The following TECPR2 variants were observed in gnomAD, a reference collection of about 807,000 sequenced individuals.
TECPR2 encodes the protein tectonin beta-propeller repeat containing 2, also known as tectonin beta-propeller repeat-containing protein 2.
Under a neutral mutation model 138.1 loss-of-function variants are expected in TECPR2, and 65 were observed. That is an observed-to-expected ratio of 0.47 (90% CI 0.39 to 0.58). The LOEUF (loss-of-function observed/expected upper bound fraction) is 0.58, where lower values mean the gene tolerates loss of function less well. Among genes scored for constraint, TECPR2 ranks in the 20% least tolerant of loss-of-function variants. The pLI is 0.00. For synonymous variants in TECPR2, 746 were observed against 749.8 expected (o/e 0.99, Z 0.08); for missense variants, 1,553 against 1,824.5 (o/e 0.85, Z 2.71).
intron 4 of TECPR2, among the ~76,000 whole-genome samples, 178 bp from the exon 5 acceptor site, chr14:102,414,458 C>T (rs117036899): frequency 1.8e-4 from 27 of 152,298 alleles, no homozygotes; most frequent in Non-Finnish European, 3.8e-4. Flanking sequence ...TTTTCCCATC[C>T]GTCAAATAAT....
At chr14:102,412,096 G>A (rs561443282) in intron 4 of TECPR2, among the ~76,000 whole-genome samples, 1 of 148,556 alleles carries the variant, frequency 6.7e-6, no homozygotes, top group South Asian at 2.1e-4. Flanking sequence ...TATTCACAGA[G>A]TGATGCAGAT....
At chr14:102,375,665 G>A (rs1229449154) in intron 1 of TECPR2, among the ~76,000 whole-genome samples, 4 of 152,170 alleles carry the variant, frequency 2.6e-5, no homozygotes, top group African/African-American at 9.7e-5. Context: ...GAGGAGCTTG[G>A]AAGTCTCCAT....
intron 1 of TECPR2, 134 bp from the exon 2 acceptor site, chr14:102,376,516 G>C: frequency 1.7e-6 from 1 of 577,858 alleles, no homozygotes; most frequent in South Asian, 2.0e-5. Context: ...TTAGTGACAC[G>C]TGTTTACTTT....
intron 6 of TECPR2, among the ~76,000 whole-genome samples, chr14:102,425,536 A>G (rs1327120577): frequency 6.6e-6 from 1 of 151,960 alleles, no homozygotes; most frequent in Non-Finnish European, 1.5e-5. Flanking sequence ...TGTTTTTTGT[A>G]TGTAAACACA....
intron 2 of TECPR2, among the ~76,000 whole-genome samples, chr14:102,400,697 G>A (rs1888453322): frequency 2.0e-5 from 3 of 152,114 alleles, no homozygotes; most frequent in African/African-American, 7.2e-5. Flanking sequence ...GGAGTAGACA[G>A]TAATGCAGGA....
intron 17 of TECPR2, among the ~76,000 whole-genome samples, chr14:102,475,945 C>T (rs934107232): frequency 2.6e-5 from 4 of 152,064 alleles, no homozygotes; most frequent in Admixed American, 6.6e-5. Context: ...AGGCATGCAA[C>T]GGCTCACACC....
chr14:102,423,430 T>C (rs1344152320), intron 5 of TECPR2, among the ~76,000 whole-genome samples: 1 of 150,518 alleles, frequency 6.6e-6, no homozygotes, highest in Non-Finnish European at 1.5e-5. Flanking sequence ...AGAGCAAAAC[T>C]CTGTCTCAAA....
intron 1 of TECPR2, among the ~76,000 whole-genome samples, chr14:102,371,744 T>C (rs1332677288): frequency 6.6e-6 from 1 of 152,250 alleles, no homozygotes; most frequent in Admixed American, 6.5e-5. Context: ...TTGTTTTTGA[T>C]GGCAAAATTA....
chr14:102,446,033 T>A, intron 13 of TECPR2, 86 bp downstream of exon 13: 1 of 1,413,804 alleles, frequency 7.1e-7, no homozygotes, highest in Non-Finnish European at 9.5e-7. Context: ...TCCTTAACGA[T>A]ACTAGATTAA....
chr14:102,476,964 G>C (rs1418846003), intron 17 of TECPR2, among the ~76,000 whole-genome samples: 1 of 152,176 alleles, frequency 6.6e-6, no homozygotes, highest in African/African-American at 2.4e-5. Flanking sequence ...GATCCCTTGA[G>C]CCCAGGAGGC....
chr14:102,400,968 G>A (rs1888460556), intron 2 of TECPR2, among the ~76,000 whole-genome samples: 1 of 152,040 alleles, frequency 6.6e-6, no homozygotes, highest in Non-Finnish European at 1.5e-5. Context: ...AGGAGACAGA[G>A]GTTGCAGTGA....
intron 16 of TECPR2, among the ~76,000 whole-genome samples, chr14:102,462,011 G>A (rs1293837705): frequency 3.9e-5 from 6 of 152,140 alleles, no homozygotes; most frequent in Non-Finnish European, 8.8e-5. Flanking sequence ...TCTTCAATTC[G>A]GAATAAGCTG....
chr14:102,474,757 G>T (rs1183106624), intron 17 of TECPR2, among the ~76,000 whole-genome samples: 1 of 152,082 alleles, frequency 6.6e-6, no homozygotes, highest in African/African-American at 2.4e-5. Context: ...ATCTTTTGTG[G>T]GTCAGTGAGC....
Position 102,449,203 on chromosome 14 carries a change from C to T in TECPR2, c.3076-426C>T, listed in dbSNP as rs537340240. On this transcript the variant is annotated intron_variant, in intron 13 of 19. Transcript: ENST00000359520. ...GAAGTCAAGGCTGAGTATGATTGTG[C>T]CACTGCATTCCAGCCTGGATGCCAG... Among the ~76,000 whole-genome samples the T allele has an allele frequency of 1.1e-3, 168 of 152,278 alleles. 1 individual carries two copies. Among genetic ancestry groups the T allele is most frequent in the Non-Finnish European group, 1.8e-3 (124 of 68,020 alleles).
chr14:102,461,725 G>A (rs977196112), intron 16 of TECPR2, among the ~76,000 whole-genome samples: 1 of 152,168 alleles, frequency 6.6e-6, no homozygotes, highest in Non-Finnish European at 1.5e-5. Context: ...TCCTGATCCT[G>A]CCTGCTTTGC....
chr14:102,417,230 G>T (rs1429827651), intron 5 of TECPR2, among the ~76,000 whole-genome samples: 1 of 152,224 alleles, frequency 6.6e-6, no homozygotes, highest in Non-Finnish European at 1.5e-5. Flanking sequence ...CAGAATAAGA[G>T]GAAATGTTTT....
At chr14:102,414,833 G>A (rs1888977540) in intron 5 of TECPR2, 40 bp downstream of exon 5, 3 of 1,608,748 alleles carry the variant, frequency 1.9e-6, no homozygotes, top group Admixed American at 1.7e-5. Flanking sequence ...TAAATGCTGG[G>A]CCTTGTTGTA....
intron 2 of TECPR2, among the ~76,000 whole-genome samples, chr14:102,380,958 G>A (rs1446667403): frequency 2.0e-5 from 3 of 150,646 alleles, no homozygotes; most frequent in African/African-American, 4.9e-5. Flanking sequence ...GATTACAGGC[G>A]TGAACCACTG....
intron 2 of TECPR2, among the ~76,000 whole-genome samples, chr14:102,388,445 G>T (rs573895902): frequency 2.0e-5 from 3 of 152,214 alleles, no homozygotes; most frequent in Non-Finnish European, 4.4e-5. Flanking sequence ...TGTAATCCCA[G>T]CACTTTGGGA....
Sources: allele counts gnomAD v4.1 joint callset (sites outside exome capture counted in the v4.1 genomes callset), GRCh38; gene constraint gnomAD v4.1.1; transcripts MANE v1.5; gene names NCBI Gene and HGNC (gene_info 2026-07-23, HGNC 2026-07-21).